Variants in RBM33 observed in about 807,000 individuals in gnomAD.
The protein encoded by RBM33 is RNA-binding protein 33.
A neutral mutation model predicts 132.6 loss-of-function variants in RBM33; 28 were observed. The observed-to-expected ratio is 0.21, with a 90% CI of 0.16 to 0.29. The LOEUF is 0.29. Ranked by LOEUF, RBM33 falls within the 10% of genes least tolerant of loss-of-function variation. The pLI is 1.00. For missense variants in RBM33, 1,291 were observed against 1,518.5 expected (o/e 0.85, Z 2.49); for synonymous variants, 634 against 593.0 (o/e 1.07, Z -1.01).
At chr7:155,741,760 T>A in intron 12 of RBM33, 59 bp from the exon 13 acceptor site, 2 of 1,474,118 alleles carry the variant, frequency 1.4e-6, no homozygotes, top group Admixed American at 2.0e-5. Flanking sequence ...ATGTGCCTTT[T>A]AATGTTCCTT....
chr7:155,652,824 T>C (rs987409714), intron 1 of RBM33, among the ~76,000 whole-genome samples: 3 of 152,348 alleles, frequency 2.0e-5, no homozygotes, highest in African/African-American at 7.2e-5. Context: ...TTTTTTCTTC[T>C]TGGTTCTGTT....
intron 5 of RBM33, among the ~76,000 whole-genome samples, chr7:155,681,672 G>A (rs770445993): frequency 9.2e-5 from 14 of 152,086 alleles, no homozygotes; most frequent in South Asian, 2.1e-4. Flanking sequence ...TATGGGGGCC[G>A]AGTGAATGGG....
At chr7:155,649,574 A>AT (rs1423699545) in intron 1 of RBM33, among the ~76,000 whole-genome samples, 1 of 152,168 alleles carries the variant, frequency 6.6e-6, no homozygotes, top group African/African-American at 2.4e-5. Context: ...CATTTTAAAT[A>AT]TGGTGATGTG....
At chr7:155,665,517 C>T (rs1410215618) in intron 2 of RBM33, among the ~76,000 whole-genome samples, 1 of 152,218 alleles carries the variant, frequency 6.6e-6, no homozygotes, top group Non-Finnish European at 1.5e-5. Context: ...AGTAATGATA[C>T]TGACTTTGTG....
chr7:155,732,177 AG>A lies in RBM33; in HGVS notation c.1261-5352del, dbSNP rs1747074731. ...AGGGGAAACTGAGCCGGGATAGGAGAGAGTGGCAGTGTGTAATTACCTGTCA... is the reference window on the plus strand; with the variant it reads ...AGGGGAAACTGAGCCGGGATAGGAGAAGTGGCAGTGTGTAATTACCTGTCA... On this transcript the variant is annotated intron_variant, in intron 9 of 17. Transcript: ENST00000401878. Among the ~76,000 whole-genome samples, 5 of 152,344 alleles carry A rather than the reference AG, an allele frequency of 3.3e-5. 1 individual carries two copies. In the South Asian group the frequency reaches 1.0e-3, roughly 32 times the overall value.
chr7:155,762,812 T>A (rs12698317), intron 14 of RBM33, among the ~76,000 whole-genome samples: 22,144 of 152,146 alleles, frequency 0.15, 1,748 homozygotes, highest in East Asian at 0.28. Context: ...TGACTGACAC[T>A]CCCTCCCTGT....
At chr7:155,732,661 G>T (rs977273993) in intron 9 of RBM33, among the ~76,000 whole-genome samples, 1 of 152,186 alleles carries the variant, frequency 6.6e-6, no homozygotes, top group East Asian at 1.9e-4. Flanking sequence ...GTAAAAATTA[G>T]CAGCAAGTCC....
At chr7:155,665,354 C>T in intron 2 of RBM33, 101 bp downstream of exon 2, 1 of 995,086 alleles carries the variant, frequency 1.0e-6, no homozygotes, top group Non-Finnish European at 1.6e-6. Flanking sequence ...CCTTGACTAC[C>T]TGGCGCTCTC....
At chr7:155,663,695 A>G (rs1798719071) in intron 1 of RBM33, among the ~76,000 whole-genome samples, 1 of 152,128 alleles carries the variant, frequency 6.6e-6, no homozygotes, top group African/African-American at 2.4e-5. Flanking sequence ...ACTTTGGTAG[A>G]ACTTGATTGA....
chr7:155,700,359 C>A (rs1394863941), intron 5 of RBM33, among the ~76,000 whole-genome samples: 1 of 151,968 alleles, frequency 6.6e-6, no homozygotes, highest in Non-Finnish European at 1.5e-5. Context: ...AAATGTTGAG[C>A]CTTTAAGTTA....
Position 155,714,756 on chromosome 7 carries a change from G to A in RBM33, c.1201+3301G>A, listed in dbSNP as rs189260873. Reference sequence around the variant, plus strand: ...GAATTTGGGATTCCTAAGGGTGTGGGAGAGAAGTTTCAGAAGTGGAGAGTA... The same window carrying A: ...GAATTTGGGATTCCTAAGGGTGTGGAAGAGAAGTTTCAGAAGTGGAGAGTA... On this transcript the variant is annotated intron_variant, in intron 8 of 17. Transcript: ENST00000401878. Among the ~76,000 whole-genome samples, 160 of 152,268 alleles carry A rather than the reference G, an allele frequency of 1.1e-3. 2 individuals are homozygous for A. Among genetic ancestry groups the A allele is most frequent in the Admixed American group, 4.8e-3 (74 of 15,304 alleles).
chr7:155,735,921 C>T (rs1585506418), intron 9 of RBM33, among the ~76,000 whole-genome samples: 1 of 152,030 alleles, frequency 6.6e-6, no homozygotes, highest in Non-Finnish European at 1.5e-5. Flanking sequence ...AGTGACACTC[C>T]CTAATGTCAG....
chr7:155,728,076 A>G (rs1002732462), intron 9 of RBM33, among the ~76,000 whole-genome samples: 3 of 150,914 alleles, frequency 2.0e-5, no homozygotes, highest in African/African-American at 7.3e-5. Context: ...AGCTGAGGCA[A>G]CCCTTTTCAC....
At chr7:155,759,308 C>G (rs1435462030) in intron 14 of RBM33, among the ~76,000 whole-genome samples, 1 of 152,010 alleles carries the variant, frequency 6.6e-6, no homozygotes, top group Non-Finnish European at 1.5e-5. Flanking sequence ...GAGTTCTTAT[C>G]TGACGTTAAT....
chr7:155,646,187 A>G (rs1798187611), intron 1 of RBM33, among the ~76,000 whole-genome samples: 1 of 152,150 alleles, frequency 6.6e-6, no homozygotes, highest in East Asian at 1.9e-4. Context: ...TCAGTAGTGT[A>G]CAGTGGAGTT....
chr7:155,751,095 G>A (rs1801674173), intron 14 of RBM33, among the ~76,000 whole-genome samples: 1 of 152,164 alleles, frequency 6.6e-6, no homozygotes, highest in African/African-American at 2.4e-5. Context: ...GGAATGATAT[G>A]TATATACCTG....
intron 4 of RBM33, among the ~76,000 whole-genome samples, chr7:155,679,812 T>C (rs2116922331): frequency 6.6e-6 from 1 of 152,266 alleles, no homozygotes; most frequent in Non-Finnish European, 1.5e-5. Flanking sequence ...GTCTAAGAGG[T>C]GTATTAATTT....
intron 1 of RBM33, among the ~76,000 whole-genome samples, chr7:155,664,265 A>AT (rs56158019): frequency 1.2e-4 from 18 of 149,790 alleles, no homozygotes; most frequent in Admixed American, 3.3e-4. Flanking sequence ...GTGTATATAC[A>AT]TTTTTTTTTT....
intron 9 of RBM33, among the ~76,000 whole-genome samples, chr7:155,726,319 C>T (rs542948645): frequency 2.0e-5 from 3 of 151,248 alleles, no homozygotes; most frequent in East Asian, 3.9e-4. Flanking sequence ...TGGCTTTATA[C>T]GATTAACTTT....
Sources: allele counts gnomAD v4.1 joint callset (sites outside exome capture counted in the v4.1 genomes callset), GRCh38; gene constraint gnomAD v4.1.1; transcripts MANE v1.5; gene names NCBI Gene and HGNC (gene_info 2026-07-23, HGNC 2026-07-21).